DMD: variants seen among roughly 807,000 people sequenced by gnomAD.
DMD encodes the protein mutant dystrophin.
A neutral mutation model predicts 330.1 loss-of-function variants in DMD; 63 were observed. The observed-to-expected ratio is 0.19, with a 90% CI of 0.16 to 0.24. The LOEUF (loss-of-function observed/expected upper bound fraction) is 0.24. DMD is among the 10% of genes least tolerant of loss of function. DMD has a pLI of 1.00. For synonymous variants in DMD, 1,223 were observed against 959.8 expected (o/e 1.27, Z -5.07); for missense variants, 3,344 against 2,684.1 (o/e 1.25, Z -5.43).
At chrX:32,935,126 C>G (rs1377353396) in intron 2 of DMD, among the ~76,000 whole-genome samples, 2 of 112,277 alleles carry the variant, frequency 1.8e-5, no homozygotes, top group African/African-American at 3.2e-5. Context: ...CTACAGGCGC[C>G]CGCCACCACG....
chrX:32,513,340 C>T (rs1026043792), intron 18 of DMD, among the ~76,000 whole-genome samples: 1 of 112,037 alleles, frequency 8.9e-6, no homozygotes, highest in African/African-American at 3.3e-5. Context: ...TTAATATGTT[C>T]GCTTTGGCAG....
chrX:31,583,687 T>G (rs914972008), intron 55 of DMD, among the ~76,000 whole-genome samples: 6 of 110,542 alleles, frequency 5.4e-5, no homozygotes, highest in Admixed American at 3.9e-4. Context: ...ATGTGCAGGT[T>G]TGTTACATAG....
intron 2 of DMD, among the ~76,000 whole-genome samples, chrX:32,920,922 G>C (rs1422509466): frequency 8.9e-6 from 1 of 111,997 alleles, no homozygotes; most frequent in Non-Finnish European, 1.9e-5. Flanking sequence ...GTCAAAGAAG[G>C]TGTTTTTTTG....
chrX:32,831,290 C>T (rs761027986), intron 4 of DMD, among the ~76,000 whole-genome samples: 1 of 110,593 alleles, frequency 9.0e-6, no homozygotes, highest in African/African-American at 3.3e-5. Context: ...TTAGATATCC[C>T]ATGATGGTTT....
chrX:31,357,274 A>G (rs1465578578), intron 60 of DMD, among the ~76,000 whole-genome samples: 1 of 110,745 alleles, frequency 9.0e-6, no homozygotes, highest in Admixed American at 9.7e-5. Flanking sequence ...CATGGTAATT[A>G]CATAATTATG....
chrX:31,865,046 G>T (rs2093775248), intron 48 of DMD, among the ~76,000 whole-genome samples: 1 of 112,172 alleles, frequency 8.9e-6, no homozygotes, highest in Non-Finnish European at 1.9e-5. Flanking sequence ...TTAGTCTTTT[G>T]TTTCTTTCCC....
intron 7 of DMD, among the ~76,000 whole-genome samples, chrX:32,762,481 A>G (rs2072449471): frequency 9.0e-6 from 1 of 111,513 alleles, no homozygotes; most frequent in Non-Finnish European, 1.9e-5. Context: ...TAATCAAACA[A>G]GGTAATTTCA....
intron 62 of DMD, among the ~76,000 whole-genome samples, chrX:31,281,389 A>C (rs1433908622): frequency 9.0e-6 from 1 of 111,440 alleles, no homozygotes; most frequent in Non-Finnish European, 1.9e-5. Context: ...AAAAAAAATG[A>C]AAATGAGGTG....
At chrX:32,271,275 T>C (rs922903392) in intron 43 of DMD, among the ~76,000 whole-genome samples, 3 of 112,536 alleles carry the variant, frequency 2.7e-5, no homozygotes, top group African/African-American at 9.7e-5. Flanking sequence ...TATTCAAACA[T>C]ATAAATTACT....
intron 76 of DMD, among the ~76,000 whole-genome samples, chrX:31,135,205 C>T (rs775583700): frequency 1.1e-4 from 12 of 112,162 alleles, no homozygotes; most frequent in African/African-American, 3.9e-4. Flanking sequence ...GTCTCCTCAA[C>T]ACAAAAGAGT....
At chrX:32,587,980 A>G (rs1196180689) in intron 13 of DMD, among the ~76,000 whole-genome samples, 1 of 111,654 alleles carries the variant, frequency 9.0e-6, no homozygotes, top group Non-Finnish European at 1.9e-5. Context: ...GCCCAAAGGT[A>G]TACTGTAGAT....
At chrX:33,113,593 C>T (rs928989669) in intron 1 of DMD, among the ~76,000 whole-genome samples, 2 of 37,908 alleles carry the variant, frequency 5.3e-5, no homozygotes, top group South Asian at 8.0e-4. Context: ...CATTCTTGCC[C>T]CCCCCCCCAA....
chrX:31,194,231 T>A (rs1224173692), intron 67 of DMD, among the ~76,000 whole-genome samples: 1 of 111,373 alleles, frequency 9.0e-6, no homozygotes, highest in Non-Finnish European at 1.9e-5. Flanking sequence ...TGGGAGACTG[T>A]TCAAAACTAA....
chrX:32,229,460 T>C (rs1194147250), intron 43 of DMD, among the ~76,000 whole-genome samples: 1 of 106,541 alleles, frequency 9.4e-6, no homozygotes, highest in Non-Finnish European at 1.9e-5. Context: ...TCTTAAAGTA[T>C]CGTTGCTTAT....
At chrX:32,277,454 T>A (rs1476827227) in intron 43 of DMD, among the ~76,000 whole-genome samples, 1 of 111,690 alleles carries the variant, frequency 9.0e-6, no homozygotes, top group African/African-American at 3.3e-5. Flanking sequence ...GGACTTAATC[T>A]GCACTATAGA....
At chrX:32,790,832 C>A (rs2075762229) in intron 7 of DMD, among the ~76,000 whole-genome samples, 1 of 111,533 alleles carries the variant, frequency 9.0e-6, no homozygotes, top group Admixed American at 9.5e-5. Flanking sequence ...TTACCCTCTC[C>A]AGTAGCAGGG....
At chrX:31,789,678 C>G (rs1162580033) in intron 50 of DMD, among the ~76,000 whole-genome samples, 2 of 110,556 alleles carry the variant, frequency 1.8e-5, no homozygotes, top group Non-Finnish European at 3.8e-5. Context: ...TAGATAAGAA[C>G]TAAAAGTAAA....
At chrX:31,242,262 CAAA>C (rs72176984) in intron 63 of DMD, among the ~76,000 whole-genome samples, 49 of 24,645 alleles carry the variant, frequency 2.0e-3, no homozygotes, top group African/African-American at 5.5e-3. Context: ...TCTCAAAAAG[CAAA>C]AAAAAAAAAA....
chrX:31,747,773 T>C (rs757094890), intron 51 of DMD, among the ~76,000 whole-genome samples: 114 of 112,336 alleles, frequency 1.0e-3, no homozygotes, highest in African/African-American at 3.5e-3. Context: ...TTCTGTAATG[T>C]TGTGTTCCTA....
Sources: allele counts gnomAD v4.1 joint callset (sites outside exome capture counted in the v4.1 genomes callset), GRCh38; gene constraint gnomAD v4.1.1; transcripts MANE v1.5; gene names NCBI Gene and HGNC (gene_info 2026-07-23, HGNC 2026-07-21).